Variants in MKX observed in about 807,000 individuals in gnomAD.
MKX encodes the protein homeobox protein Mohawk.
Under a neutral mutation model 36.0 loss-of-function variants are expected in MKX, and 13 were observed. That is an observed-to-expected ratio of 0.36 (90% confidence interval 0.24 to 0.57). The LOEUF (loss-of-function observed/expected upper bound fraction) is 0.57. Among genes scored for constraint, MKX ranks in the 20% least tolerant of loss-of-function variants. The pLI, the probability that MKX is intolerant of heterozygous loss-of-function variation, is 0.79. For synonymous variants in MKX, 176 were observed against 178.3 expected, an observed-to-expected ratio of 0.99 and a Z score of 0.10; for missense variants, 458 against 456.4, an observed-to-expected ratio of 1.00 and a Z score of -0.03.
rs1835004140 is a variant in MKX at position 27,744,557 on chromosome 10, GGC to G, written c.-82-1062_-82-1061del. Among the ~76,000 whole-genome samples, 3 of 152,158 alleles carry G rather than the reference GGC, an allele frequency of 2.0e-5. No individual in the cohort carries two copies. Among genetic ancestry groups the G allele is most frequent in the Middle Eastern group, 3.4e-3 (1 of 290 alleles). ...CGGAGCCGCAGAGTTACAGCCCCAA[GGC>G]GCGCGGCGGACTTCGCCCGCCCCAT... is the stretch of plus-strand genomic sequence containing the variant. On this transcript the variant is annotated intron_variant, in intron 1 of 6. Coordinates refer to ENST00000419761, the MANE Select transcript of MKX (RefSeq NM_173576.3). The surrounding 1 kb of genome is among the most constrained non-coding windows in gnomAD (Gnocchi z 5.6).
At chr10:27,701,825 GTGTATATA>G (rs752507218) in intron 5 of MKX, among the ~76,000 whole-genome samples, 59 of 30,712 alleles carry the variant, frequency 1.9e-3, no homozygotes, top group Admixed American at 3.8e-3. Flanking sequence ...GTGTGTGTGT[GTGTATATA>G]TATATATATA....
intron 5 of MKX, among the ~76,000 whole-genome samples, chr10:27,696,598 T>C (rs892507540): frequency 5.9e-5 from 9 of 152,166 alleles, no homozygotes; most frequent in African/African-American, 2.2e-4. Context: ...AGAGACTCCT[T>C]GGAGAAGGTC....
chr10:27,734,738 C>A lies in MKX; in HGVS notation c.556G>T (p.Val186Phe). 1 of 1,614,134 alleles carries A rather than the reference C, an allele frequency of 6.2e-7. No homozygotes were observed. Among genetic ancestry groups the A allele is most frequent in the Non-Finnish European group, 8.5e-7 (1 of 1,180,024 alleles). ...HMNEGGYNTP[V>F]HHPVIKSENS... ...TCACTTTTAATCACAGGATGGTGAA[C>A]TGGGGTATTATAGCCCCCTTCGTTC... Residue 186 changes from valine to phenylalanine, a missense_variant, in exon 5 of 7, where the codon GTT becomes TTT. This residue lies in a region of MKX where 297 missense variants were observed against 304.4 expected (regional missense o/e 0.98). Transcript: ENST00000419761.
intron 5 of MKX, among the ~76,000 whole-genome samples, chr10:27,699,889 T>C (rs984368063): frequency 1.3e-5 from 2 of 152,242 alleles, no homozygotes; most frequent in Non-Finnish European, 2.9e-5. Flanking sequence ...CAAGGTCATA[T>C]GCTATTGGCA....
intron 5 of MKX, among the ~76,000 whole-genome samples, chr10:27,731,101 T>G (rs536823478): frequency 7.7e-6 from 1 of 129,096 alleles, no homozygotes; most frequent in Non-Finnish European, 1.5e-5. Flanking sequence ...GCCACTGCAC[T>G]CCAGCCTGAG....
At chr10:27,734,285 C>A (rs1178924713) in intron 5 of MKX, among the ~76,000 whole-genome samples, 171 bp downstream of exon 5, 1 of 152,104 alleles carries the variant, frequency 6.6e-6, no homozygotes, top group Non-Finnish European at 1.5e-5. Context: ...AATCTACTAA[C>A]AAATGTATCC....
chr10:27,743,616 C>T, intron 1 of MKX, 119 bp from the exon 2 acceptor site: 1 of 561,400 alleles, frequency 1.8e-6, no homozygotes, highest in South Asian at 2.7e-5. Context: ...GGAGCGGCGC[C>T]GCCGCAACTG....
intron 5 of MKX, among the ~76,000 whole-genome samples, chr10:27,726,403 G>T (rs998625796): frequency 2.6e-5 from 4 of 152,162 alleles, no homozygotes; most frequent in African/African-American, 7.2e-5. Context: ...TTAAATGAGT[G>T]GGTTTAGATC....
intron 5 of MKX, among the ~76,000 whole-genome samples, chr10:27,713,441 T>G (rs1188741432): frequency 1.3e-5 from 2 of 152,176 alleles, no homozygotes; most frequent in African/African-American, 2.4e-5. Flanking sequence ...GAGAGTTCTA[T>G]TCCGTAAATG....
chr10:27,732,744 T>C (rs767313876), intron 5 of MKX, among the ~76,000 whole-genome samples: 2 of 152,162 alleles, frequency 1.3e-5, no homozygotes, highest in Non-Finnish European at 2.9e-5. Context: ...GATGTTAATA[T>C]GTAGTGTCTT....
intron 5 of MKX, among the ~76,000 whole-genome samples, chr10:27,732,237 T>A (rs1213617277): frequency 2.0e-4 from 30 of 152,168 alleles, no homozygotes; most frequent in Non-Finnish European, 4.4e-5. Context: ...AACACGAGCA[T>A]TAATTACTTC....
intron 5 of MKX, among the ~76,000 whole-genome samples, chr10:27,712,532 G>A (rs2132597064): frequency 6.6e-6 from 1 of 152,308 alleles, no homozygotes; most frequent in South Asian, 2.1e-4. Flanking sequence ...GGGAAGAGTA[G>A]AACCAGTGAG....
chr10:27,718,769 A>C (rs1255716858), intron 5 of MKX, among the ~76,000 whole-genome samples: 1 of 152,102 alleles, frequency 6.6e-6, no homozygotes, highest in Admixed American at 6.6e-5. Flanking sequence ...TTATTTAACT[A>C]AATTATATTT....
chr10:27,701,534 GTTTA>G (rs1301538889), intron 5 of MKX, among the ~76,000 whole-genome samples: 2 of 143,250 alleles, frequency 1.4e-5, no homozygotes, highest in African/African-American at 2.5e-5. Context: ...ATCTTTGTAT[GTTTA>G]TTTAGATATA....
intron 5 of MKX, among the ~76,000 whole-genome samples, chr10:27,679,938 A>G (rs1181508405): frequency 6.6e-6 from 1 of 152,004 alleles, no homozygotes; most frequent in Non-Finnish European, 1.5e-5. Flanking sequence ...GGGTCTGTGT[A>G]CCCACCACTG....
chr10:27,724,664 T>C (rs1834448921), intron 5 of MKX, among the ~76,000 whole-genome samples: 1 of 152,078 alleles, frequency 6.6e-6, no homozygotes, highest in Non-Finnish European at 1.5e-5. Flanking sequence ...TCCAGTGTTA[T>C]GTACAAGGCA....
chr10:27,735,190 C>T (rs1461044860), intron 4 of MKX, 31 bp downstream of exon 4: 5 of 1,511,724 alleles, frequency 3.3e-6, no homozygotes, highest in South Asian at 2.7e-5. Flanking sequence ...AGAGGCAAAA[C>T]AAAGAAAGCA....
At chr10:27,701,014 T>C (rs1021681403) in intron 5 of MKX, among the ~76,000 whole-genome samples, 1 of 152,178 alleles carries the variant, frequency 6.6e-6, no homozygotes, top group African/African-American at 2.4e-5. Flanking sequence ...GCCCTTCATT[T>C]GGAGTAGTGG....
intron 5 of MKX, among the ~76,000 whole-genome samples, chr10:27,717,068 G>A (rs901793592): frequency 1.3e-5 from 2 of 152,140 alleles, no homozygotes; most frequent in African/African-American, 4.8e-5. Flanking sequence ...AGGCCACAAG[G>A]AAGGGAGTTG....
Sources: allele counts gnomAD v4.1 joint callset (sites outside exome capture counted in the v4.1 genomes callset), GRCh38; gene constraint gnomAD v4.1.1; regional missense constraint gnomAD v4.1.1; non-coding constraint Gnocchi (gnomAD v3.1); transcripts MANE v1.5; gene names NCBI Gene and HGNC (gene_info 2026-07-23, HGNC 2026-07-21).